The following AMBRA1 variants were observed in gnomAD, a reference collection of about 807,000 sequenced individuals.
AMBRA1 encodes the protein autophagy and beclin 1 regulator 1.
In AMBRA1, 47 loss-of-function variants were observed where a neutral mutation model predicts 125.4. The ratio of observed to expected loss-of-function variants is 0.37; its 90% confidence interval spans 0.30 to 0.48. AMBRA1 has a LOEUF of 0.48. Among genes scored for constraint, AMBRA1 ranks in the 20% least tolerant of loss-of-function variants. AMBRA1 has a pLI of 0.99. For synonymous variants in AMBRA1, 626 were observed against 655.5 expected (o/e 0.95, Z 0.69); for missense variants, 1,331 against 1,693.4 (o/e 0.79, Z 3.76).
chr11:46,497,554 T>C (rs1950682163), intron 9 of AMBRA1, among the ~76,000 whole-genome samples: 5 of 152,084 alleles, frequency 3.3e-5, no homozygotes, highest in Admixed American at 3.3e-4. Flanking sequence ...CAGGAAAATG[T>C]GAAACATAAT....
intron 11 of AMBRA1, among the ~76,000 whole-genome samples, chr11:46,462,409 C>G (rs1464556628): frequency 6.6e-6 from 1 of 152,202 alleles, no homozygotes; most frequent in African/African-American, 2.4e-5. Context: ...ACTCTCCTCA[C>G]GTCTGTCTTC....
intron 1 of AMBRA1, among the ~76,000 whole-genome samples, chr11:46,560,443 CAAT>C (rs1285371377): frequency 6.6e-6 from 1 of 152,174 alleles, no homozygotes; most frequent in East Asian, 1.9e-4. Flanking sequence ...AAGTAACTCA[CAAT>C]GATGCTGCCT....
chr11:46,551,302 T>G (rs567860130), intron 1 of AMBRA1, among the ~76,000 whole-genome samples: 24 of 145,008 alleles, frequency 1.7e-4, no homozygotes, highest in African/African-American at 6.0e-4. Flanking sequence ...TTTAGTTAGT[T>G]TGTGGGGACT....
chr11:46,588,283 G>A (rs563828540), intron 1 of AMBRA1, among the ~76,000 whole-genome samples: 91 of 152,290 alleles, frequency 6.0e-4, no homozygotes, highest in African/African-American at 2.1e-3. Flanking sequence ...AATGAGCCAA[G>A]ATAGCGCAGC....
At chr11:46,490,063 G>T (rs1028173073) in intron 11 of AMBRA1, among the ~76,000 whole-genome samples, 1 of 152,208 alleles carries the variant, frequency 6.6e-6, no homozygotes, top group African/African-American at 2.4e-5. Flanking sequence ...GATAACGTGG[G>T]AAAGACAGTA....
intron 11 of AMBRA1, among the ~76,000 whole-genome samples, chr11:46,492,476 T>G (rs1239650267): frequency 6.6e-6 from 1 of 152,226 alleles, no homozygotes; most frequent in African/African-American, 2.4e-5. Flanking sequence ...ATTTTAAAAC[T>G]TTTAATAAAG....
intron 11 of AMBRA1, among the ~76,000 whole-genome samples, chr11:46,462,990 G>A (rs535038467): frequency 2.6e-5 from 4 of 152,288 alleles, no homozygotes; most frequent in Non-Finnish European, 5.9e-5. Context: ...CTGGCCTCAA[G>A]TGATCCACCT....
intron 17 of AMBRA1, among the ~76,000 whole-genome samples, chr11:46,402,167 A>G (rs1464901633): frequency 6.6e-6 from 1 of 152,190 alleles, no homozygotes; most frequent in African/African-American, 2.4e-5. Context: ...CTTCTGGCCT[A>G]TAAGTTCCTG....
intron 4 of AMBRA1, chr11:46,546,033 CTTTTT>C (rs35703280): frequency 7.4e-4 from 103 of 139,074 alleles, no homozygotes; most frequent in South Asian, 2.4e-3. Context: ...GTTCCTATTT[CTTTTT>C]TTTTTTTTTT....
intron 1 of AMBRA1, among the ~76,000 whole-genome samples, chr11:46,576,379 C>T (rs1308721627): frequency 6.6e-6 from 1 of 152,164 alleles, no homozygotes; most frequent in Non-Finnish European, 1.5e-5. Context: ...CCTCCCGCCT[C>T]AGACTCCCAA....
chr11:46,474,245 A>G (rs1949721865), intron 11 of AMBRA1, among the ~76,000 whole-genome samples: 1 of 152,138 alleles, frequency 6.6e-6, no homozygotes, highest in Non-Finnish European at 1.5e-5. Flanking sequence ...TAATTTCATT[A>G]TTAAGTTAGT....
chr11:46,465,438 T>C lies in AMBRA1; in HGVS notation c.2522-21840A>G, dbSNP rs74362589. ...TCCTGGGCACACGTTACTACAGTTA[T>C]GTGTAGGTGTTTTTTTCTTAGTGTA... On this transcript the variant is annotated intron_variant, in intron 11 of 17. Coordinates refer to ENST00000683756, the MANE Select transcript of AMBRA1 (RefSeq NM_001387011.1). Among the ~76,000 whole-genome samples, 8 of 152,352 alleles carry C rather than the reference T, an allele frequency of 5.3e-5. No individual in the cohort carries two copies. The East Asian group carries it at 1.3e-3, about 26-fold the overall frequency.
chr11:46,437,398 G>A (rs543965638), intron 12 of AMBRA1, among the ~76,000 whole-genome samples: 1 of 152,300 alleles, frequency 6.6e-6, no homozygotes, highest in African/African-American at 2.4e-5. Context: ...ATATGCAAAG[G>A]ACAAACGAAA....
At chr11:46,491,314 C>G (rs755769881) in intron 11 of AMBRA1, 2 of 152,218 alleles carry the variant, frequency 1.3e-5, no homozygotes, top group Non-Finnish European at 2.9e-5. Flanking sequence ...TCTTCTACTT[C>G]TTAGCTGCAT....
intron 11 of AMBRA1, among the ~76,000 whole-genome samples, chr11:46,470,831 A>G (rs1387394445): frequency 1.3e-5 from 2 of 152,158 alleles, no homozygotes; most frequent in Admixed American, 1.3e-4. Flanking sequence ...TACTCATCAG[A>G]CAAATATTTG....
chr11:46,562,839 T>C (rs1007740279), intron 1 of AMBRA1, among the ~76,000 whole-genome samples: 1 of 151,818 alleles, frequency 6.6e-6, no homozygotes, highest in Non-Finnish European at 1.5e-5. Flanking sequence ...TCACTCTTGT[T>C]GCCCACGCTG....
At chr11:46,523,305 C>T (rs1951835135) in intron 7 of AMBRA1, among the ~76,000 whole-genome samples, 3 of 152,196 alleles carry the variant, frequency 2.0e-5, no homozygotes, top group African/African-American at 7.2e-5. Flanking sequence ...ACCCTGATTC[C>T]TTTTGGACTC....
At chr11:46,474,779 A>G (rs1030633066) in intron 11 of AMBRA1, among the ~76,000 whole-genome samples, 29 of 152,210 alleles carry the variant, frequency 1.9e-4, no homozygotes, top group African/African-American at 6.8e-4. Context: ...GATTTTCCCT[A>G]TGGCTAGCAG....
chr11:46,408,711 GGAGA>G lies in AMBRA1; in HGVS notation c.3210-9_3210-6del. 1 of 1,521,338 alleles carries G rather than the reference GGAGA, an allele frequency of 6.6e-7. No individual in the cohort carries two copies. The highest frequency in any genetic ancestry group is 2.4e-5 in the East Asian group (1 of 42,276). The allele number at this position is 1,521,338 out of a possible 1,614,324, so 94.2% of individuals were successfully genotyped here. The stretch of plus-strand genomic sequence containing the variant: ...CTCCATGTGGCTCTGCTGGTTCTAG[GGAGA>G]GAAAGGCAGACTAAAGTCAGATGGG... On this transcript the variant is annotated splice_region_variant and splice_polypyrimidine_tract_variant and intron_variant, in intron 16 of 17. Coordinates refer to ENST00000683756, the MANE Select transcript of AMBRA1 (RefSeq NM_001387011.1).
Sources: gnomAD v4.1 joint callset for allele counts (sites outside exome capture counted in the v4.1 genomes callset) on GRCh38, gnomAD v4.1.1 for gene constraint, MANE v1.5 for transcripts, NCBI Gene and HGNC (gene_info 2026-07-23, HGNC 2026-07-21) for gene names.